Variants in SEC11A observed in about 807,000 individuals in gnomAD.
SEC11A encodes SEC11 homolog A, signal peptidase complex subunit.
A neutral mutation model predicts 25.6 loss-of-function variants in SEC11A; 14 were observed. That is an observed-to-expected ratio of 0.55 (90% CI 0.36 to 0.85). The LOEUF (loss-of-function observed/expected upper bound fraction) is 0.85, where lower values mean the gene tolerates loss of function less well. Among genes scored for constraint, SEC11A ranks in the 40% least tolerant of loss-of-function variants. The pLI, the probability that SEC11A is intolerant of heterozygous loss-of-function variation, is 0.01. For missense variants in SEC11A, 153 were observed against 222.9 expected (o/e 0.69, Z 2.00); for synonymous variants, 83 against 76.4 (o/e 1.09, Z -0.45).
intron 1 of SEC11A, among the ~76,000 whole-genome samples, chr15:84,696,904 C>T (rs1463180323): frequency 6.6e-6 from 1 of 151,774 alleles, no homozygotes; most frequent in Admixed American, 6.6e-5. Flanking sequence ...AAATGCCCAC[C>T]GGGTGCAATG....
At chr15:84,691,371 G>A (rs1897601732) in intron 2 of SEC11A, among the ~76,000 whole-genome samples, 164 bp downstream of exon 2, 1 of 152,138 alleles carries the variant, frequency 6.6e-6, no homozygotes, top group Non-Finnish European at 1.5e-5. Context: ...ACCGTGCCCA[G>A]CCTGAGAATT....
At chr15:84,683,545 G>A (rs1386565195) in intron 3 of SEC11A, among the ~76,000 whole-genome samples, 1 of 152,012 alleles carries the variant, frequency 6.6e-6, no homozygotes, top group Non-Finnish European at 1.5e-5. Context: ...GGTGGCAACC[G>A]GCTCTTATTA....
chr15:84,691,418 G>A, intron 2 of SEC11A, 117 bp downstream of exon 2: 2 of 622,296 alleles, frequency 3.2e-6, no homozygotes, highest in Non-Finnish European at 5.7e-6. Context: ...TTTTCTTCCA[G>A]GCCCTTTTCT....
At chr15:84,692,330 C>A (rs772172930) in intron 1 of SEC11A, among the ~76,000 whole-genome samples, 1 of 152,082 alleles carries the variant, frequency 6.6e-6, no homozygotes, top group Non-Finnish European at 1.5e-5. Flanking sequence ...CCACACCCGG[C>A]CCTCTATTAC....
At chr15:84,715,440 A>G (rs764508929) in intron 1 of SEC11A, among the ~76,000 whole-genome samples, 1 of 152,204 alleles carries the variant, frequency 6.6e-6, no homozygotes, top group Non-Finnish European at 1.5e-5. Context: ...ATAGATTCCG[A>G]GGGCTGCCGC....
intron 4 of SEC11A, chr15:84,672,699 T>C (rs1451942957): frequency 6.3e-5 from 12 of 190,636 alleles, no homozygotes; most frequent in Non-Finnish European, 1.0e-4. Context: ...GTCTGGGAAG[T>C]GAGGAGCGTC....
intron 1 of SEC11A, among the ~76,000 whole-genome samples, chr15:84,705,320 T>C (rs545672974): frequency 6.6e-6 from 1 of 152,316 alleles, no homozygotes; most frequent in South Asian, 2.1e-4. Flanking sequence ...CTGCTACAGT[T>C]ACTGTCTTCT....
At chr15:84,709,845 T>C (rs1486894098) in intron 1 of SEC11A, among the ~76,000 whole-genome samples, 26 of 152,072 alleles carry the variant, frequency 1.7e-4, no homozygotes, top group Non-Finnish European at 1.5e-5. Context: ...CAGGTTCAAG[T>C]GATTCTTGTG....
chr15:84,688,879 A>C (rs1461127713), intron 2 of SEC11A, among the ~76,000 whole-genome samples: 1 of 152,110 alleles, frequency 6.6e-6, no homozygotes, highest in Non-Finnish European at 1.5e-5. Flanking sequence ...AAAAATACAA[A>C]AATTAGGTGA....
chr15:84,671,034 G>C lies in SEC11A; in HGVS notation c.432-252C>G, dbSNP rs542032223. On this transcript the variant is annotated intron_variant, in intron 4 of 5. Transcript: ENST00000268220. ...TTTCTGTGTGGCAGAACCAGCACCA[G>C]ATAGAGCCAAGGTCTTAGATCTCCA... 4 of 309,168 alleles carry C rather than the reference G, an allele frequency of 1.3e-5. No individual in the cohort carries two copies. The South Asian group carries it at 1.8e-4, about 14-fold the overall frequency. 19.2% of individuals were successfully genotyped at this position (309,168 alleles called of 1,614,324 possible).
chr15:84,697,410 T>C (rs746709528), intron 1 of SEC11A, among the ~76,000 whole-genome samples: 37 of 152,246 alleles, frequency 2.4e-4, no homozygotes, highest in Non-Finnish European at 4.7e-4. Context: ...TTGTGAAATG[T>C]AGCTAATCAT....
At chr15:84,688,565 G>A (rs1428767390) in intron 2 of SEC11A, among the ~76,000 whole-genome samples, 4 of 152,180 alleles carry the variant, frequency 2.6e-5, no homozygotes, top group African/African-American at 7.2e-5. Flanking sequence ...CTCAAGCTCC[G>A]GTTTTCTATA....
At chr15:84,697,143 T>C (rs1278826251) in intron 1 of SEC11A, among the ~76,000 whole-genome samples, 1 of 151,676 alleles carries the variant, frequency 6.6e-6, no homozygotes, top group Non-Finnish European at 1.5e-5. Flanking sequence ...ACACCTGTAG[T>C]CCCAACTACT....
At chr15:84,688,205 G>C (rs1182847741) in intron 2 of SEC11A, among the ~76,000 whole-genome samples, 1 of 152,144 alleles carries the variant, frequency 6.6e-6, no homozygotes, top group African/African-American at 2.4e-5. Context: ...CATTTATAAA[G>C]ATAACAGCCA....
intron 1 of SEC11A, among the ~76,000 whole-genome samples, chr15:84,710,662 T>C (rs1898233622): frequency 6.6e-6 from 1 of 151,936 alleles, no homozygotes. Context: ...TTGTTAAAAT[T>C]TGCTACACTT....
chr15:84,713,041 A>G (rs1434297147), intron 1 of SEC11A, among the ~76,000 whole-genome samples: 1 of 152,062 alleles, frequency 6.6e-6, no homozygotes, highest in Admixed American at 6.6e-5. Flanking sequence ...AAAAATACAA[A>G]AAATTAGCCG....
chr15:84,702,253 G>A (rs1285667411), intron 1 of SEC11A, among the ~76,000 whole-genome samples: 1 of 151,244 alleles, frequency 6.6e-6, no homozygotes, highest in Non-Finnish European at 1.5e-5. Context: ...CTGAGATCAG[G>A]AGTTTGAGAC....
intron 1 of SEC11A, among the ~76,000 whole-genome samples, chr15:84,709,236 A>C (rs1443251581): frequency 6.6e-6 from 1 of 151,920 alleles, no homozygotes; most frequent in Non-Finnish European, 1.5e-5. Flanking sequence ...CACTATGTTG[A>C]CCAGGCTAGA....
chr15:84,683,251 A>G (rs1897324374), intron 3 of SEC11A, among the ~76,000 whole-genome samples: 2 of 152,188 alleles, frequency 1.3e-5, no homozygotes, highest in South Asian at 2.1e-4. Context: ...CCAGAAAACA[A>G]TATCAACTCC....
Sources: gnomAD v4.1 joint callset for allele counts (sites outside exome capture counted in the v4.1 genomes callset) on GRCh38, gnomAD v4.1.1 for gene constraint, MANE v1.5 for transcripts, NCBI Gene and HGNC (gene_info 2026-07-23, HGNC 2026-07-21) for gene names.